CRACD: variants seen among roughly 807,000 people sequenced by gnomAD.
CRACD encodes capping protein-inhibiting regulator of actin dynamics.
A neutral mutation model predicts 106.8 loss-of-function variants in CRACD; 56 were observed. The ratio of observed to expected loss-of-function variants is 0.52; its 90% CI spans 0.42 to 0.66. CRACD has a LOEUF of 0.66. Among genes scored for constraint, CRACD ranks in the 30% least tolerant of loss-of-function variants. CRACD has a pLI of 0.00. For missense variants in CRACD, 1,730 were observed against 1,623.2 expected, an observed-to-expected ratio of 1.07 and a Z score of -1.13; for synonymous variants, 754 against 670.8, an observed-to-expected ratio of 1.12 and a Z score of -1.92.
At chr4:56,220,869 C>T (rs1738994783) in intron 2 of CRACD, among the ~76,000 whole-genome samples, 1 of 151,992 alleles carries the variant, frequency 6.6e-6, no homozygotes, top group African/African-American at 2.4e-5. Flanking sequence ...TGAGGGCAGG[C>T]TTCCAAAAGG....
At position 56,310,595 on chromosome 4, in the gene CRACD, G is replaced by T. The variant is rs1745087681; in HGVS notation, c.286-71G>T. On this transcript the variant is annotated intron_variant, in intron 5 of 10. Transcript: ENST00000682029. ...GAGGGGGTGACCCTACCCAGGCACA[G>T]ACAGTGTCTGGTTATTTGCCCAGAA... The T allele has an allele frequency of 3.6e-6, 4 of 1,113,704 alleles. No homozygotes were observed. In the South Asian group the frequency reaches 3.8e-5, roughly 11 times the overall value. 69.0% of individuals were successfully genotyped at this position (1,113,704 alleles called of 1,614,324 possible).
chr4:56,267,041 T>C (rs551024049), intron 2 of CRACD, among the ~76,000 whole-genome samples: 17 of 152,234 alleles, frequency 1.1e-4, no homozygotes, highest in Non-Finnish European at 1.6e-4. Context: ...CTGAGTCTTT[T>C]CAGGAAGTCA....
chr4:56,089,041 T>C (rs1733330691), intron 1 of CRACD, among the ~76,000 whole-genome samples: 1 of 152,224 alleles, frequency 6.6e-6, no homozygotes, highest in Non-Finnish European at 1.5e-5. Context: ...TTCTGTAGTA[T>C]TGTACCTCAA....
chr4:56,316,475 C>G lies in CRACD; in HGVS notation c.2973C>G (p.Arg991=), dbSNP rs1171422450. Residue 991 remains arginine (R), a synonymous_variant, in exon 8 of 11, where the codon CGC becomes CGG. Coordinates refer to ENST00000682029, the MANE Select transcript of CRACD (RefSeq NM_001393381.1). ...CCTACTTGGTAGAGCTGCTGTCTCG[C>G]CGAGCGGGGAGGCCGGACCCAGAGC... The part of the protein sequence containing the change: ...SRPYLVELLS[R]RAGRPDPEPS... The G allele has an allele frequency of 6.2e-7, 1 of 1,613,804 alleles. No homozygotes were observed. The highest frequency in any genetic ancestry group is 1.3e-5 in the African/African-American group (1 of 74,918).
intron 2 of CRACD, among the ~76,000 whole-genome samples, chr4:56,183,948 T>G (rs1448292700): frequency 6.6e-6 from 1 of 152,230 alleles, no homozygotes; most frequent in Non-Finnish European, 1.5e-5. Flanking sequence ...TTTTATTCCC[T>G]CTAAGCTTTT....
chr4:56,314,570 G>A lies in CRACD; in HGVS notation c.1068G>A (p.Glu356=), dbSNP rs765379007. The change falls in exon 8 of 11, where the codon GAG becomes GAA. Residue 356 remains glutamate, a synonymous_variant. Transcript: ENST00000682029. This position sits in a 1 kb window ranked among gnomAD's most constrained non-coding sequence, Gnocchi z 4.4. ...RQEEEEGRCA[E]ELKRQEEEEA... is the part of the protein sequence containing the mutation. ...AGGAGGAGGAAGGAAGATGCGCGGA[G>A]GAGCTCAAAAGGCAGGAGGAGGAGG... The A allele has an allele frequency of 3.8e-5, 57 of 1,515,704 alleles. No individual in the cohort carries two copies. In the East Asian group the frequency reaches 1.3e-3, roughly 35 times the overall value. The allele number at this position is 1,515,704 out of a possible 1,614,324, so 93.9% of individuals were successfully genotyped here. A position where few individuals can be genotyped will look rare whatever the true frequency, so the allele number is the denominator to read the frequency against.
At chr4:56,303,411 T>G (rs1279741347) in intron 4 of CRACD, among the ~76,000 whole-genome samples, 3 of 148,370 alleles carry the variant, frequency 2.0e-5, no homozygotes, top group South Asian at 2.1e-4. Context: ...ATGGGAGGAG[T>G]AGTAGTTTAT....
At chr4:56,207,672 A>G (rs1560484029) in intron 2 of CRACD, among the ~76,000 whole-genome samples, 1 of 150,934 alleles carries the variant, frequency 6.6e-6, no homozygotes. Context: ...TAAGCAAGGA[A>G]AAAATTGAGA....
chr4:56,157,770 A>G (rs1033003141), intron 1 of CRACD, among the ~76,000 whole-genome samples: 1 of 152,126 alleles, frequency 6.6e-6, no homozygotes, highest in Non-Finnish European at 1.5e-5. Context: ...TTCCTTTTAA[A>G]ATTCAGGGCC....
intron 1 of CRACD, among the ~76,000 whole-genome samples, chr4:56,175,749 T>C (rs975477545): frequency 1.2e-4 from 19 of 152,200 alleles, no homozygotes; most frequent in African/African-American, 4.3e-4. Flanking sequence ...TTCTCTTCGT[T>C]TGTTGTTTTC....
intron 1 of CRACD, among the ~76,000 whole-genome samples, chr4:56,072,587 A>G (rs1429396355): frequency 6.6e-6 from 1 of 150,684 alleles, no homozygotes; most frequent in Non-Finnish European, 1.5e-5. Flanking sequence ...ATTCTAGACC[A>G]TTTTCTTTCT....
chr4:56,099,956 C>T (rs1215094843), intron 1 of CRACD, among the ~76,000 whole-genome samples: 1 of 152,082 alleles, frequency 6.6e-6, no homozygotes, highest in African/African-American at 2.4e-5. Context: ...AAAATAAAGA[C>T]AACTGGCCAG....
chr4:56,107,143 A>G (rs1733972788), intron 1 of CRACD, among the ~76,000 whole-genome samples: 1 of 149,836 alleles, frequency 6.7e-6, no homozygotes. Context: ...CAGCTAATCT[A>G]AAAACATTGG....
chr4:56,171,579 G>C (rs1736366513), intron 1 of CRACD, among the ~76,000 whole-genome samples: 1 of 152,140 alleles, frequency 6.6e-6, no homozygotes, highest in Non-Finnish European at 1.5e-5. Context: ...GGTAAGGTGG[G>C]GGGTAAAGGA....
rs79258356 is a variant in CRACD at position 56,118,156 on chromosome 4, G to A, written c.-335-61128G>A. ...TTTTATCACTAATGACAGAGGAGACGAATGTAATGGGTTAAGATAATACAC... is the reference window on the plus strand; with the variant it reads ...TTTTATCACTAATGACAGAGGAGACAAATGTAATGGGTTAAGATAATACAC... On this transcript the variant is annotated intron_variant, in intron 1 of 10. Transcript: ENST00000682029. Among the ~76,000 whole-genome samples the A allele has an allele frequency of 4.2e-3, 636 of 152,314 alleles. 8 individuals carry two copies. The highest frequency in any genetic ancestry group is 0.014 in the African/African-American group (592 of 41,556).
At chr4:56,274,448 T>C (rs575246634) in intron 3 of CRACD, among the ~76,000 whole-genome samples, 3 of 116,972 alleles carry the variant, frequency 2.6e-5, no homozygotes, top group East Asian at 4.5e-4. Context: ...TGATTTCATA[T>C]TGAGCCATGT....
intron 1 of CRACD, among the ~76,000 whole-genome samples, chr4:56,107,154 G>T (rs76918435): frequency 0.14 from 20,502 of 151,514 alleles, 1,421 homozygotes; most frequent in East Asian, 0.25. Context: ...AAAACATTGG[G>T]TTTTTTTTCA....
intron 2 of CRACD, among the ~76,000 whole-genome samples, chr4:56,247,473 A>G (rs903076762): frequency 6.6e-6 from 1 of 152,222 alleles, no homozygotes; most frequent in African/African-American, 2.4e-5. Flanking sequence ...TCAGAGTTAC[A>G]TAAAGGATCT....
intron 2 of CRACD, among the ~76,000 whole-genome samples, chr4:56,209,491 A>C (rs958947603): frequency 2.0e-5 from 3 of 152,162 alleles, no homozygotes; most frequent in African/African-American, 7.2e-5. Context: ...TATTAACTAC[A>C]TGAACTCTTT....
Sources: gnomAD v4.1 joint callset for allele counts (sites outside exome capture counted in the v4.1 genomes callset) on GRCh38, gnomAD v4.1.1 for gene constraint, Gnocchi (gnomAD v3.1) non-coding constraint, MANE v1.5 for transcripts, NCBI Gene and HGNC (gene_info 2026-07-23, HGNC 2026-07-21) for gene names.